MDN1: variants seen among roughly 807,000 people sequenced by gnomAD.
MDN1 encodes midasin AAA ATPase 1.
A neutral mutation model predicts 669.2 loss-of-function variants in MDN1; 266 were observed. The observed-to-expected ratio is 0.40, with a 90% CI of 0.36 to 0.44. MDN1 has a LOEUF of 0.44. MDN1 is among the 20% of genes least tolerant of loss of function. The pLI, the probability that MDN1 is intolerant of heterozygous loss-of-function variation, is 1.00. For synonymous variants in MDN1, 2,385 were observed against 2,457.1 expected (o/e 0.97, Z 0.87); for missense variants, 5,940 against 6,754.0 (o/e 0.88, Z 4.22).
At chr6:89,649,918 ATATT>A in intron 97 of MDN1, 102 bp downstream of exon 97, 1 of 1,159,290 alleles carries the variant, frequency 8.6e-7, no homozygotes, top group Non-Finnish European at 1.3e-6. Context: ...TAGCCATATC[ATATT>A]TAAAGCATTA....
chr6:89,809,784 T>TAAAAA (rs370925781), intron 1 of MDN1, among the ~76,000 whole-genome samples: 6 of 112,578 alleles, frequency 5.3e-5, no homozygotes, highest in African/African-American at 2.1e-4. Context: ...TCAAAATAAA[T>TAAAAA]AAATAAAATA....
intron 8 of MDN1, 117 bp downstream of exon 8, chr6:89,787,737 C>T: frequency 1.5e-6 from 1 of 670,444 alleles, no homozygotes; most frequent in East Asian, 2.7e-5. Flanking sequence ...GTTATCACTT[C>T]CAACTAACCT....
chr6:89,696,338 T>G, intron 60 of MDN1, 22 bp downstream of exon 60: 1 of 1,610,510 alleles, frequency 6.2e-7, no homozygotes, highest in South Asian at 1.1e-5. Flanking sequence ...CTTTACAGTC[T>G]GCTTCCAGGG....
In MDN1 at chr6:89,727,921, A is replaced by G. The variant is rs768462813; in HGVS notation, c.5384T>C (p.Val1795Ala). 1.9e-6 allele frequency: 3 copies of G among 1,613,998 alleles called. No homozygotes were observed. Among genetic ancestry groups the G allele is most frequent in the South Asian group, 1.1e-5 (1 of 91,072 alleles). Reference protein sequence around the residue: ...ITDLFGADLPVEGGKGGEFAW... With the variant: ...ITDLFGADLPAEGGKGGEFAW... Reference sequence around the variant, plus strand: ...AAACTCTCCTCCCTTGCCACCTTCAACAGGTAGATCTGCTCCAAACAGGTC... The same window carrying G: ...AAACTCTCCTCCCTTGCCACCTTCAGCAGGTAGATCTGCTCCAAACAGGTC... The change falls in exon 37 of 102, where the codon GTT becomes GCT. Residue 1795 changes from valine (V) to alanine (A), a missense_variant. Coordinates refer to ENST00000369393, the MANE Select transcript of MDN1 (RefSeq NM_014611.3).
intron 51 of MDN1, 122 bp from the exon 52 acceptor site, chr6:89,707,598 C>A (rs965769547): frequency 7.4e-6 from 5 of 675,142 alleles, no homozygotes; most frequent in African/African-American, 7.2e-5. Flanking sequence ...CCTCTCCTGC[C>A]TCTGCAAATC....
At chr6:89,803,598 T>G in intron 1 of MDN1, 44 bp from the exon 2 acceptor site, 1 of 1,372,390 alleles carries the variant, frequency 7.3e-7, no homozygotes, top group Non-Finnish European at 1.0e-6. Flanking sequence ...TTTTTTTTTT[T>G]TGAGACACAG....
At chr6:89,745,465 T>G in intron 28 of MDN1, 27 bp downstream of exon 28, 1 of 1,613,884 alleles carries the variant, frequency 6.2e-7, no homozygotes, top group Non-Finnish European at 8.5e-7. Context: ...TCAAATCATA[T>G]TCCTCTAGGG....
Position 89,772,622 on chromosome 6 carries a change from C to G in MDN1, c.2034G>C (p.Glu678Asp), listed in dbSNP as rs1818149464. Residue 678 changes from glutamate to aspartate, a missense_variant, in exon 14 of 102, where the codon GAG becomes GAC. Around this residue, in one of 5 missense-constraint regions of MDN1, gnomAD observed 1,203 missense variants for 1,268.9 expected, o/e 0.95. Transcript: ENST00000369393. ...TGGTAGAGGTTTTGCCAGTCCCGGT[C>G]TCTCCCACCAGCAACACAGGCTCCC... Reference protein sequence around the residue: ...SKGEPVLLVGETGTGKTSTIQ... With the variant: ...SKGEPVLLVGDTGTGKTSTIQ... 1.9e-6 allele frequency: 3 copies of G among 1,613,992 alleles called. No homozygotes were observed. Among genetic ancestry groups the G allele is most frequent in the Non-Finnish European group, 2.5e-6 (3 of 1,180,014 alleles).
At chr6:89,772,059 T>C (rs1171929971) in intron 14 of MDN1, among the ~76,000 whole-genome samples, 1 of 152,118 alleles carries the variant, frequency 6.6e-6, no homozygotes, top group East Asian at 1.9e-4. Context: ...AGCCCAGAAG[T>C]TGGAGACCAA....
At chr6:89,741,275 C>T (rs1260769197) in intron 31 of MDN1, among the ~76,000 whole-genome samples, 1 of 152,016 alleles carries the variant, frequency 6.6e-6, no homozygotes, top group Non-Finnish European at 1.5e-5. Context: ...GGTTGCAAAG[C>T]TTGAAACCAC....
At chr6:89,756,863 G>A (rs952167586) in intron 19 of MDN1, among the ~76,000 whole-genome samples, 18 of 151,832 alleles carry the variant, frequency 1.2e-4, no homozygotes, top group Non-Finnish European at 2.5e-4. Context: ...AGAGCCTGCT[G>A]TGAGCCGAGG....
At chr6:89,657,343 G>A (rs1809391221) in intron 90 of MDN1, among the ~76,000 whole-genome samples, 1 of 152,142 alleles carries the variant, frequency 6.6e-6, no homozygotes, top group East Asian at 1.9e-4. Flanking sequence ...TAAGAACTAG[G>A]ACTCAAAGAG....
intron 1 of MDN1, among the ~76,000 whole-genome samples, chr6:89,813,836 T>C (rs556076668): frequency 6.6e-6 from 1 of 151,722 alleles, no homozygotes; most frequent in Admixed American, 6.6e-5. Flanking sequence ...TCCAGCATTT[T>C]GGGTGGCCAA....
chr6:89,698,257 T>C (rs1812902333), intron 59 of MDN1, among the ~76,000 whole-genome samples: 1 of 152,250 alleles, frequency 6.6e-6, no homozygotes, highest in Non-Finnish European at 1.5e-5. Flanking sequence ...TCAATTCTAA[T>C]TCTAACAACT....
intron 18 of MDN1, 28 bp downstream of exon 18, chr6:89,758,788 G>C: frequency 1.2e-6 from 2 of 1,612,986 alleles, no homozygotes; most frequent in African/African-American, 1.3e-5. Context: ...TTGACACCAA[G>C]TCAAATCCCA....
At chr6:89,796,259 G>GT (rs1819586017) in intron 2 of MDN1, among the ~76,000 whole-genome samples, 1 of 130,366 alleles carries the variant, frequency 7.7e-6, no homozygotes. Flanking sequence ...GAGACACGGA[G>GT]GTTATAGTGA....
chr6:89,806,865 G>C (rs80326677), intron 1 of MDN1, among the ~76,000 whole-genome samples: 42 of 151,564 alleles, frequency 2.8e-4, no homozygotes, highest in African/African-American at 1.0e-3. Context: ...GCTGCACTAA[G>C]CCATGATCGT....
At position 89,662,858 on chromosome 6, in the gene MDN1, A is replaced by C. The variant is rs760564111; in HGVS notation, c.14346T>G (p.Asp4782Glu). ...CTTCCTCCTCATCTTCCTCCTCATC[A>C]TCATCACCCCAAAGCCTCTCATCTA... ...DKLDERLWGD[D>E]DEEEDEEEED... The change falls in exon 86 of 102, where the codon GAT (aspartate) becomes GAG (glutamate). Residue 4782 changes from aspartate to glutamate, a missense_variant. Physicochemically the swap from Asp to Glu is conservative, Grantham distance 45. Coordinates refer to ENST00000369393, the MANE Select transcript of MDN1 (RefSeq NM_014611.3). 1.7e-5 allele frequency: 28 copies of C among 1,613,700 alleles called. No individual in the cohort carries two copies. The Admixed American group carries it at 4.3e-4, about 25-fold the overall frequency.
chr6:89,782,168 T>C (rs1266184598), intron 9 of MDN1, among the ~76,000 whole-genome samples: 2 of 152,182 alleles, frequency 1.3e-5, no homozygotes, highest in Non-Finnish European at 2.9e-5. Flanking sequence ...GTAGAAGTCA[T>C]GTTAAAAGGT....
Sources: allele counts gnomAD v4.1 joint callset (sites outside exome capture counted in the v4.1 genomes callset), GRCh38; gene constraint gnomAD v4.1.1; regional missense constraint gnomAD v4.1.1; transcripts MANE v1.5; gene names NCBI Gene and HGNC (gene_info 2026-07-23, HGNC 2026-07-21).